Variants in MYO6 observed in about 807,000 individuals in gnomAD.
MYO6 encodes myosin VI, also known as unconventional myosin-VI.
In MYO6, 74 loss-of-function variants were observed where a neutral mutation model predicts 178.7. The ratio of observed to expected loss-of-function variants is 0.41; its 90% confidence interval spans 0.34 to 0.50. MYO6 has a LOEUF of 0.50. Ranked by LOEUF, MYO6 falls within the 20% of genes least tolerant of loss-of-function variation. The probability of loss-of-function intolerance (pLI) is 0.09; values close to 1 mark genes in which losing one functional copy is unlikely to be tolerated. For missense variants in MYO6, 1,330 were observed against 1,547.4 expected, an observed-to-expected ratio of 0.86 and a Z score of 2.36; for synonymous variants, 477 against 504.6, an observed-to-expected ratio of 0.95 and a Z score of 0.73.
intron 30 of MYO6, among the ~76,000 whole-genome samples, chr6:75,899,042 AG>A (rs943121880): frequency 6.6e-6 from 1 of 152,226 alleles, no homozygotes; most frequent in African/African-American, 2.4e-5. Context: ...TTGTCTTTAT[AG>A]CAAGTCTGAA....
intron 15 of MYO6, 58 bp from the exon 16 acceptor site, chr6:75,862,538 A>G: frequency 1.4e-6 from 2 of 1,467,744 alleles, no homozygotes; most frequent in Non-Finnish European, 1.9e-6. Context: ...AATTGTTCAC[A>G]TATCTTTAAA....
In MYO6 at chr6:75,885,999, C is replaced by G; in HGVS notation, c.2417-5C>G. Reference sequence around the variant, plus strand: ...TCTATCATTTTATTTTACTCTTACACATAGTGAAAAACAAAATAAAATATC... The same window carrying G: ...TCTATCATTTTATTTTACTCTTACAGATAGTGAAAAACAAAATAAAATATC... On this transcript the variant is annotated splice_polypyrimidine_tract_variant and splice_region_variant and intron_variant, in intron 23 of 34. Coordinates refer to ENST00000369977, the MANE Select transcript of MYO6 (RefSeq NM_004999.4). The G allele has an allele frequency of 6.5e-7, 1 of 1,542,830 alleles. No homozygotes were observed. The highest frequency in any genetic ancestry group is 9.0e-7 in the Non-Finnish European group (1 of 1,117,050).
Position 75,844,991 on chromosome 6 carries a change from T to C in MYO6, c.897+14T>C, listed in dbSNP as rs991191651. On this transcript the variant is annotated intron_variant, in intron 10 of 34. Coordinates refer to ENST00000369977, the MANE Select transcript of MYO6 (RefSeq NM_004999.4). ...AAAAGTCCTGAGGTATAGTAGACCA[T>C]TGTTCATAAAATCTTTAACTTAAAA... The C allele has an allele frequency of 6.3e-7, 1 of 1,593,134 alleles. No individual in the cohort carries two copies. The highest frequency in any genetic ancestry group is 1.3e-5 in the African/African-American group (1 of 74,500).
At chr6:75,817,211 A>C (rs977964645) in intron 1 of MYO6, among the ~76,000 whole-genome samples, 3 of 151,648 alleles carry the variant, frequency 2.0e-5, no homozygotes, top group Admixed American at 2.0e-4. Flanking sequence ...AGGCTGAGGC[A>C]GGAGAATGGC....
intron 19 of MYO6, among the ~76,000 whole-genome samples, chr6:75,871,903 G>A (rs1322566041): frequency 6.6e-6 from 1 of 152,044 alleles, no homozygotes; most frequent in Non-Finnish European, 1.5e-5. Flanking sequence ...GAGGCAGGTG[G>A]ATCACCTGAG....
chr6:75,814,305 G>A (rs2150156150), intron 1 of MYO6, among the ~76,000 whole-genome samples: 1 of 152,254 alleles, frequency 6.6e-6, no homozygotes, highest in South Asian at 2.1e-4. Flanking sequence ...GCTGAGAGTT[G>A]AAGACTGGTT....
At chr6:75,819,069 A>G (rs910804415) in intron 2 of MYO6, among the ~76,000 whole-genome samples, 1 of 152,222 alleles carries the variant, frequency 6.6e-6, no homozygotes, top group African/African-American at 2.4e-5. Context: ...ACTTGATTTA[A>G]GTGGATATAC....
intron 1 of MYO6, among the ~76,000 whole-genome samples, chr6:75,776,838 T>G (rs1460022567): frequency 1.3e-5 from 2 of 152,146 alleles, no homozygotes; most frequent in Non-Finnish European, 2.9e-5. Context: ...GTTTATTTGT[T>G]TGTTTTTTTA....
At chr6:75,781,254 C>CCCTT (rs1463226494) in intron 1 of MYO6, among the ~76,000 whole-genome samples, 19 of 152,056 alleles carry the variant, frequency 1.2e-4, no homozygotes, top group Non-Finnish European at 2.2e-4. Flanking sequence ...GAAAGGGGTA[C>CCCTT]CTAATCCTGA....
intron 30 of MYO6, among the ~76,000 whole-genome samples, chr6:75,899,886 TC>T (rs1315452797): frequency 2.6e-5 from 2 of 76,260 alleles, no homozygotes; most frequent in African/African-American, 5.5e-5. Context: ...CCCTCCCCCC[TC>T]CCCCCACCCT....
rs1781113047 is a variant in MYO6 at position 75,916,254 on chromosome 6, C to T, written c.*1242C>T. On this transcript the variant is annotated 3_prime_UTR_variant, in exon 35 of 35. Transcript: ENST00000369977. ...AAATGATTCTCTGTACTGCTTTTTC[C>T]CCCAGTTTTTAGAGACCCTAACCTT... 1 of 151,766 alleles carries T rather than the reference C, an allele frequency of 6.6e-6. No individual in the cohort carries two copies. Among genetic ancestry groups the T allele is most frequent in the Non-Finnish European group, 1.5e-5 (1 of 67,960 alleles). The allele number at this position is 151,766 out of a possible 1,614,324, so 9.4% of individuals were successfully genotyped here.
intron 1 of MYO6, among the ~76,000 whole-genome samples, chr6:75,761,693 G>A (rs1323650434): frequency 6.6e-6 from 1 of 151,308 alleles, no homozygotes; most frequent in Non-Finnish European, 1.5e-5. Context: ...ATTTATTAAA[G>A]GTGTGTTTCT....
At position 75,915,099 on chromosome 6, in the gene MYO6, A is replaced by G; in HGVS notation, c.*87A>G. 8.2e-7 allele frequency: 1 copy of G among 1,219,684 alleles called. No homozygotes were observed. Among genetic ancestry groups the G allele is most frequent in the East Asian group, 2.5e-5 (1 of 39,612 alleles). The allele number at this position is 1,219,684 out of a possible 1,614,324, so 75.6% of individuals were successfully genotyped here. A position where few individuals can be genotyped will look rare whatever the true frequency, so the allele number is the denominator to read the frequency against. On this transcript the variant is annotated 3_prime_UTR_variant, in exon 35 of 35. Transcript: ENST00000369977. ...CCCCAGATTTAACCATTCCATAATC[A>G]TGTTAGAGTTACTTCTATAAAGTGA... is the stretch of plus-strand genomic sequence containing the variant.
At chr6:75,787,657 A>G (rs1175208390) in intron 1 of MYO6, among the ~76,000 whole-genome samples, 1 of 141,566 alleles carries the variant, frequency 7.1e-6, no homozygotes, top group Non-Finnish European at 1.5e-5. Flanking sequence ...ATATATATAT[A>G]TATGGGGGAA....
chr6:75,890,000 T>C (rs1331231551), intron 25 of MYO6, 57 bp from the exon 26 acceptor site: 5 of 1,218,804 alleles, frequency 4.1e-6, no homozygotes, highest in South Asian at 2.5e-5. Context: ...TATATTCACA[T>C]TGTTGTGCAA....
At chr6:75,766,595 C>T (rs947698221) in intron 1 of MYO6, among the ~76,000 whole-genome samples, 2 of 152,036 alleles carry the variant, frequency 1.3e-5, no homozygotes, top group Admixed American at 1.3e-4. Context: ...ATCATGAATG[C>T]AGCAGCTGTA....
intron 1 of MYO6, among the ~76,000 whole-genome samples, chr6:75,786,420 A>G (rs1049684880): frequency 6.6e-6 from 1 of 152,210 alleles, no homozygotes; most frequent in Non-Finnish European, 1.5e-5. Context: ...AGTTCCTGGA[A>G]GAAAATCTGT....
At chr6:75,884,550 G>A (rs943192463) in intron 23 of MYO6, among the ~76,000 whole-genome samples, 2 of 152,178 alleles carry the variant, frequency 1.3e-5, no homozygotes, top group Non-Finnish European at 2.9e-5. Context: ...TATCAAGATA[G>A]GAATTGCAGT....
At chr6:75,779,602 T>G (rs1299224130) in intron 1 of MYO6, among the ~76,000 whole-genome samples, 1 of 152,246 alleles carries the variant, frequency 6.6e-6, no homozygotes, top group Non-Finnish European at 1.5e-5. Flanking sequence ...TTTTTGATAC[T>G]TTATTGTAAT....
Sources: allele counts gnomAD v4.1 joint callset (sites outside exome capture counted in the v4.1 genomes callset), GRCh38; gene constraint gnomAD v4.1.1; transcripts MANE v1.5; gene names NCBI Gene and HGNC (gene_info 2026-07-23, HGNC 2026-07-21).